Variants in N4BP2L1 observed in about 807,000 individuals in gnomAD.
N4BP2L1 encodes NEDD4-binding protein 2-like 1.
N4BP2L1 carries 12 observed loss-of-function variants against 21.2 expected under a neutral mutation model. The ratio of observed to expected loss-of-function variants is 0.57; its 90% CI spans 0.36 to 0.92. N4BP2L1 has a LOEUF of 0.92. Among genes scored for constraint, N4BP2L1 ranks in the 40% least tolerant of loss-of-function variants. The probability of loss-of-function intolerance (pLI) is 0.01; values close to 1 mark genes in which losing one functional copy is unlikely to be tolerated. For missense variants in N4BP2L1, 259 were observed against 310.6 expected (o/e 0.83, Z 1.25); for synonymous variants, 104 against 112.8 (o/e 0.92, Z 0.49).
At chr13:32,427,719 G>A (rs1056479932) in intron 1 of N4BP2L1, among the ~76,000 whole-genome samples, 185 bp downstream of exon 1, 4 of 151,972 alleles carry the variant, frequency 2.6e-5, no homozygotes, top group African/African-American at 9.7e-5. Context: ...GGGGTCGAGG[G>A]AGGCGGCTCG....
chr13:32,421,854 TA>T (rs965866134), intron 1 of N4BP2L1, among the ~76,000 whole-genome samples: 2 of 151,800 alleles, frequency 1.3e-5, no homozygotes, highest in African/African-American at 4.8e-5. Flanking sequence ...TTGGCGTGAC[TA>T]AAAAAAAATT....
At position 32,403,046 on chromosome 13, in the gene N4BP2L1, T is replaced by C. The variant is rs1398377903; in HGVS notation, c.628A>G (p.Arg210Gly). The C allele has an allele frequency of 1.9e-6, 3 of 1,614,040 alleles. No homozygotes were observed. Reference sequence around the variant, plus strand: ...AACTCTGTGTAGGAATTCCAGTATCTGGCATTGTTGGAAGGCAATGCATTA... The same window carrying C: ...AACTCTGTGTAGGAATTCCAGTATCCGGCATTGTTGGAAGGCAATGCATTA... ...RNNALPSNNA[R>G]YWNSYTEFPN... The change falls in exon 5 of 5, where the codon AGA (arginine) becomes GGA (glycine). Residue 210 changes from arginine to glycine, a missense_variant. By Grantham distance (125) the Arg-to-Gly change is moderately radical. Coordinates refer to ENST00000380130, the MANE Select transcript of N4BP2L1 (RefSeq NM_052818.3).
chr13:32,428,399 T>C, upstream of N4BP2L1: 1 of 224,956 alleles, frequency 4.4e-6, no homozygotes, highest in Non-Finnish European at 8.6e-6. Context: ...AGTAGGTCTC[T>C]GGGACACTTC....
Position 32,402,815 on chromosome 13 carries a change from G to T in N4BP2L1, c.*127C>A. ...TGAAGAAAGTGAATATAATGACTTTGCTCAGAAACTTTTGAGTTCAGCTAT... is the reference window on the plus strand; with the variant it reads ...TGAAGAAAGTGAATATAATGACTTTTCTCAGAAACTTTTGAGTTCAGCTAT... On this transcript the variant is annotated 3_prime_UTR_variant, in exon 5 of 5. Transcript: ENST00000380130. 7.0e-7 allele frequency: 1 copy of T among 1,428,728 alleles called. No homozygotes were observed. The highest frequency in any genetic ancestry group is 9.2e-7 in the Non-Finnish European group (1 of 1,088,282). The allele number at this position is 1,428,728 out of a possible 1,614,324, so 88.5% of individuals were successfully genotyped here. A position where few individuals can be genotyped will look rare whatever the true frequency, so the allele number is the denominator to read the frequency against.
rs567290551 is a variant in N4BP2L1, at chr13:32,402,907, CTT to C, written c.*33_*34del. ...TAACAAAAACTGAAGTAGAAACTGACTTAGGAAAATTCTGCCTGGCTGTAAGA... is the reference window on the plus strand; with the variant it reads ...TAACAAAAACTGAAGTAGAAACTGACAGGAAAATTCTGCCTGGCTGTAAGA... On this transcript the variant is annotated 3_prime_UTR_variant, in exon 5 of 5. Coordinates refer to ENST00000380130, the MANE Select transcript of N4BP2L1 (RefSeq NM_052818.3). 1.6e-4 allele frequency: 244 copies of C among 1,521,330 alleles called. 1 individual carries two copies. The South Asian group carries it at 2.5e-3, about 15-fold the overall frequency. 94.2% of individuals were successfully genotyped at this position (1,521,330 alleles called of 1,614,324 possible).
intron 1 of N4BP2L1, chr13:32,425,845 T>C (rs1207990133): frequency 6.6e-6 from 1 of 151,952 alleles, no homozygotes; most frequent in Non-Finnish European, 1.5e-5. Flanking sequence ...GTAAGGAACA[T>C]AAGGCCCGGA....
intron 1 of N4BP2L1, among the ~76,000 whole-genome samples, chr13:32,414,643 A>G (rs2074030521): frequency 6.6e-6 from 1 of 152,036 alleles, no homozygotes; most frequent in African/African-American, 2.4e-5. Flanking sequence ...AAATTCTATT[A>G]TTTTTTTAAA....
intron 1 of N4BP2L1, chr13:32,419,454 T>TTTTTA: frequency 6.0e-6 from 2 of 331,390 alleles, no homozygotes; most frequent in Non-Finnish European, 5.5e-6. Context: ...TTTTGTATTT[T>TTTTTA]ACAGACGGGG....
chr13:32,402,952 T>C lies in N4BP2L1; in HGVS notation c.722A>G (p.His241Arg). Residue 241 changes from histidine to arginine, a missense_variant, in exon 5 of 5, where the codon CAT becomes CGT. His to Arg is a conservative substitution (Grantham distance 29). Transcript: ENST00000380130. ...SSYHRRGGCH[H>R]GY is the part of the protein sequence containing the mutation. Reference sequence around the variant, plus strand: ...CTGTAAGATAGGCCTCTAATATCCATGGTGACAACCGCCCCTTCTGTGATA... The same window carrying C: ...CTGTAAGATAGGCCTCTAATATCCACGGTGACAACCGCCCCTTCTGTGATA... 1.2e-6 allele frequency: 2 copies of C among 1,601,456 alleles called. No individual in the cohort carries two copies. Among genetic ancestry groups the C allele is most frequent in the Admixed American group, 1.7e-5 (1 of 58,756 alleles).
intron 4 of N4BP2L1, chr13:32,403,704 C>A: frequency 1.9e-6 from 1 of 535,768 alleles, no homozygotes; most frequent in South Asian, 1.4e-5. Context: ...ATTTTAATAG[C>A]CACCTGAGGC....
intron 1 of N4BP2L1, among the ~76,000 whole-genome samples, chr13:32,427,511 G>A (rs2074848670): frequency 6.6e-6 from 1 of 152,184 alleles, no homozygotes; most frequent in Admixed American, 6.5e-5. Context: ...GGGGAGGCTG[G>A]GGGCGGTGAA....
intron 3 of N4BP2L1, chr13:32,406,355 A>G (rs1293659485): frequency 6.6e-6 from 1 of 152,228 alleles, no homozygotes; most frequent in Non-Finnish European, 1.5e-5. Flanking sequence ...TGTTACAGGC[A>G]TCGTACTGTT....
chr13:32,412,281 A>AT (rs1377529575), intron 1 of N4BP2L1, among the ~76,000 whole-genome samples: 1 of 152,104 alleles, frequency 6.6e-6, no homozygotes, highest in Admixed American at 6.6e-5. Flanking sequence ...AGATGTTCAC[A>AT]TTTTGCCTTA....
chr13:32,414,909 T>C (rs1310437823), intron 1 of N4BP2L1, among the ~76,000 whole-genome samples: 1 of 152,166 alleles, frequency 6.6e-6, no homozygotes, highest in African/African-American at 2.4e-5. Context: ...AGCCTTTCTG[T>C]TGTCTTCGTA....
At chr13:32,429,145 C>T (rs996529568), upstream of N4BP2L1, among the ~76,000 whole-genome samples, 1 of 152,206 alleles carries the variant, frequency 6.6e-6, no homozygotes, top group Non-Finnish European at 1.5e-5. Context: ...TGAAAAGCAA[C>T]TATGAAAAAA....
Position 32,403,167 on chromosome 13 carries a change from G to C in N4BP2L1, c.507C>G (p.Ile169Met). The C allele has an allele frequency of 6.2e-7, 1 of 1,608,598 alleles. No individual in the cohort carries two copies. Among genetic ancestry groups the C allele is most frequent in the Non-Finnish European group, 8.5e-7 (1 of 1,176,978 alleles). The change falls in exon 5 of 5, where the codon ATC (isoleucine) becomes ATG (methionine). Residue 169 changes from isoleucine to methionine, a missense_variant. Ile to Met is a conservative substitution (Grantham distance 10). Around this residue, in one of 3 missense-constraint regions of N4BP2L1, gnomAD observed 108 missense variants for 107.8 expected, o/e 1.00. Transcript: ENST00000380130. ...RNIHGVSREK[I>M]HRMKERYEHD... ...GTTCATACCGTTCTTTCATTCGGTG[G>C]ATTTTTTCTCTTGAGACACCATGAA...
intron 1 of N4BP2L1, among the ~76,000 whole-genome samples, chr13:32,422,977 C>T: frequency 7.0e-6 from 1 of 142,176 alleles, no homozygotes; most frequent in East Asian, 2.0e-4. Context: ...TTAATGAGAG[C>T]CCTGGCCTCA....
chr13:32,402,951 A>T lies in N4BP2L1; in HGVS notation c.723T>A (p.His241Gln). 11 of 1,601,210 alleles carry T rather than the reference A, an allele frequency of 6.9e-6. No individual in the cohort carries two copies. Among genetic ancestry groups the T allele is most frequent in the Non-Finnish European group, 9.4e-6 (11 of 1,171,574 alleles). ...GCTGTAAGATAGGCCTCTAATATCC[A>T]TGGTGACAACCGCCCCTTCTGTGAT... ...SSYHRRGGCH[H>Q]GY Residue 241 changes from histidine (H) to glutamine (Q), a missense_variant, in exon 5 of 5, where the codon CAT (histidine) becomes CAA (glutamine). Around this residue, in one of 3 missense-constraint regions of N4BP2L1, gnomAD observed 108 missense variants for 107.8 expected, o/e 1.00. Coordinates refer to ENST00000380130, the MANE Select transcript of N4BP2L1 (RefSeq NM_052818.3).
At chr13:32,427,189 G>C (rs1365931444) in intron 1 of N4BP2L1, among the ~76,000 whole-genome samples, 1 of 152,240 alleles carries the variant, frequency 6.6e-6, no homozygotes, top group East Asian at 1.9e-4. Flanking sequence ...CGCCCATGGC[G>C]AGGCTCTGTC....
Sources: allele counts gnomAD v4.1 joint callset (sites outside exome capture counted in the v4.1 genomes callset), GRCh38; gene constraint gnomAD v4.1.1; regional missense constraint gnomAD v4.1.1; transcripts MANE v1.5; gene names NCBI Gene and HGNC (gene_info 2026-07-23, HGNC 2026-07-21).